The following MEMO1 variants were observed in gnomAD, a reference collection of about 807,000 sequenced individuals.
MEMO1 encodes the protein protein MEMO1.
A neutral mutation model predicts 45.2 loss-of-function variants in MEMO1; 6 were observed. The ratio of observed to expected loss-of-function variants is 0.13; its 90% confidence interval spans 0.07 to 0.26. The LOEUF is 0.26. MEMO1 is among the 10% of genes least tolerant of loss of function. MEMO1 has a pLI of 1.00. For missense variants in MEMO1, 184 were observed against 370.5 expected (o/e 0.50, Z 4.13); for synonymous variants, 78 against 124.3 (o/e 0.63, Z 2.48).
At chr2:31,967,070 G>A (rs111756988) in intron 2 of MEMO1, among the ~76,000 whole-genome samples, 1,848 of 151,506 alleles carry the variant, frequency 0.012, 38 homozygotes, top group African/African-American at 0.041. Flanking sequence ...AAAAATTGCT[G>A]TGTGAGAAAT....
intron 8 of MEMO1, among the ~76,000 whole-genome samples, chr2:31,870,682 T>C (rs1367676891): frequency 1.3e-5 from 2 of 152,218 alleles, no homozygotes; most frequent in South Asian, 2.1e-4. Context: ...GTTCAAGCAA[T>C]TTTCCTGCCT....
intron 8 of MEMO1, among the ~76,000 whole-genome samples, chr2:31,883,174 T>G (rs932389519): frequency 3.9e-5 from 6 of 152,134 alleles, no homozygotes; most frequent in Non-Finnish European, 8.8e-5. Flanking sequence ...TTCTTAAATA[T>G]TCTCATTAAT....
chr2:31,957,142 C>CAAAAAAAAA (rs754542523), intron 2 of MEMO1, among the ~76,000 whole-genome samples: 1 of 77,662 alleles, frequency 1.3e-5, no homozygotes. Context: ...AACTCCGTCT[C>CAAAAAAAAA]AAAAAAAAAA....
chr2:31,919,844 G>A (rs1003149849), intron 5 of MEMO1, among the ~76,000 whole-genome samples: 1 of 151,808 alleles, frequency 6.6e-6, no homozygotes, highest in Non-Finnish European at 1.5e-5. Context: ...ATATATATAT[G>A]TGTGTGTCGG....
rs1425153225 is a variant in MEMO1 at position 32,005,752 on chromosome 2, A to G, written c.61+4435T>C. ...CCCACTTGCTAATTATACGCCTACT[A>G]TATGCCAAGCACTTTAACATTCAGT... On this transcript the variant is annotated intron_variant, in intron 2 of 9. Coordinates refer to ENST00000404530, the MANE Select transcript of MEMO1 (RefSeq NM_001301833.4). 2.0e-5 allele frequency among the ~76,000 whole-genome samples: 3 copies of G among 152,342 alleles called. No individual in the cohort carries two copies. In the East Asian group the frequency reaches 5.8e-4, roughly 29 times the overall value.
intron 9 of MEMO1, among the ~76,000 whole-genome samples, chr2:31,868,800 G>A (rs1010026113): frequency 4.6e-5 from 7 of 151,742 alleles, no homozygotes; most frequent in Non-Finnish European, 2.9e-5. Flanking sequence ...TCTCTTTACC[G>A]TATAAACCAA....
chr2:31,942,091 GA>G (rs2148315776), intron 3 of MEMO1, among the ~76,000 whole-genome samples: 1 of 152,292 alleles, frequency 6.6e-6, no homozygotes, highest in South Asian at 2.1e-4. Context: ...AATATGTTGT[GA>G]AGGTTAGCAC....
intron 8 of MEMO1, 83 bp from the exon 9 acceptor site, chr2:31,870,035 G>A (rs1195001437): frequency 2.8e-6 from 3 of 1,065,030 alleles, no homozygotes; most frequent in African/African-American, 3.4e-5. Flanking sequence ...TTTTAAAACT[G>A]TTACTTAAAC....
At chr2:31,976,728 C>T (rs1670045104) in intron 2 of MEMO1, among the ~76,000 whole-genome samples, 1 of 152,020 alleles carries the variant, frequency 6.6e-6, no homozygotes, top group South Asian at 2.1e-4. Flanking sequence ...ACAAATATAG[C>T]TTTTTTTCTT....
chr2:31,986,350 T>C (rs921001749), intron 2 of MEMO1, among the ~76,000 whole-genome samples: 1 of 152,004 alleles, frequency 6.6e-6, no homozygotes, highest in Non-Finnish European at 1.5e-5. Flanking sequence ...CGGGGGCTTG[T>C]AGTCCCAGCC....
At chr2:32,006,155 G>A (rs545485917) in intron 2 of MEMO1, among the ~76,000 whole-genome samples, 2 of 152,308 alleles carry the variant, frequency 1.3e-5, no homozygotes, top group African/African-American at 4.8e-5. Flanking sequence ...GTTATGAGGG[G>A]ACTTAGACCT....
At chr2:31,881,459 C>T (rs1454451095) in intron 8 of MEMO1, among the ~76,000 whole-genome samples, 5 of 124,522 alleles carry the variant, frequency 4.0e-5, no homozygotes, top group Non-Finnish European at 4.8e-5. Context: ...GGTGCTACTA[C>T]ACTCCAGCCT....
intron 6 of MEMO1, among the ~76,000 whole-genome samples, chr2:31,901,403 A>G (rs1678790854): frequency 6.8e-6 from 1 of 147,610 alleles, no homozygotes; most frequent in Admixed American, 6.7e-5. Context: ...AAAAAAAAAG[A>G]ATTAACTACC....
In MEMO1 at chr2:31,932,300, G is replaced by T. The variant is rs913704527; in HGVS notation, c.144-165C>A. Among the ~76,000 whole-genome samples the T allele has an allele frequency of 3.3e-5, 5 of 152,254 alleles. No individual in the cohort carries two copies. In the East Asian group the frequency reaches 9.6e-4, roughly 29 times the overall value. The stretch of plus-strand genomic sequence containing the variant: ...TGATGTGACTTCTAGAAGAAATTAG[G>T]AAACACATGATCTATACTGTGTTCC... On this transcript the variant is annotated intron_variant, in intron 3 of 9. Transcript: ENST00000404530.
At chr2:31,930,377 A>G (rs35433063) in intron 4 of MEMO1, among the ~76,000 whole-genome samples, 7,492 of 152,112 alleles carry the variant, frequency 0.049, 229 homozygotes, top group Middle Eastern at 0.12. Context: ...GCGCTCTTCC[A>G]TTTTTTCCTC....
intron 6 of MEMO1, among the ~76,000 whole-genome samples, chr2:31,916,473 C>G (rs1681463252): frequency 6.6e-6 from 1 of 152,168 alleles, no homozygotes; most frequent in Non-Finnish European, 1.5e-5. Context: ...AAGCCATGTG[C>G]CCACCTCCGC....
chr2:31,964,735 T>A (rs995485196), intron 2 of MEMO1, among the ~76,000 whole-genome samples: 7 of 151,848 alleles, frequency 4.6e-5, no homozygotes, highest in South Asian at 2.1e-4. Flanking sequence ...TAATAAAAAT[T>A]AAAATTAAAA....
intron 2 of MEMO1, among the ~76,000 whole-genome samples, chr2:31,943,717 A>T (rs1665884553): frequency 1.3e-5 from 2 of 152,236 alleles, no homozygotes; most frequent in South Asian, 4.1e-4. Flanking sequence ...TATGAAGAGG[A>T]AATAATTGAA....
chr2:31,885,517 T>C (rs1394298623), intron 7 of MEMO1, among the ~76,000 whole-genome samples: 2 of 152,236 alleles, frequency 1.3e-5, no homozygotes, highest in Non-Finnish European at 1.5e-5. Context: ...ATTCATTTGA[T>C]ACTAAATTTT....
Sources: gnomAD v4.1 joint callset for allele counts (sites outside exome capture counted in the v4.1 genomes callset) on GRCh38, gnomAD v4.1.1 for gene constraint, MANE v1.5 for transcripts, NCBI Gene and HGNC (gene_info 2026-07-23, HGNC 2026-07-21) for gene names.